RTL9: variants seen among roughly 807,000 people sequenced by gnomAD.
RTL9 encodes retrotransposon Gag like 9, also known as retrotransposon Gag-like protein 9.
RTL9 carries 19 observed loss-of-function variants against 44.7 expected under a neutral mutation model. The observed-to-expected ratio is 0.42, with a 90% CI of 0.30 to 0.62. The LOEUF (loss-of-function observed/expected upper bound fraction) is 0.62, where lower values mean the gene tolerates loss of function less well. RTL9 is among the 20% of genes least tolerant of loss of function. The pLI, the probability that RTL9 is intolerant of heterozygous loss-of-function variation, is 0.16. For synonymous variants in RTL9, 407 were observed against 398.9 expected (o/e 1.02, Z -0.24); for missense variants, 1,105 against 1,080.6 (o/e 1.02, Z -0.32).
At chrX:110,417,342 C>T (rs1231131790), upstream of RTL9, among the ~76,000 whole-genome samples, 1 of 112,240 alleles carries the variant, frequency 8.9e-6, no homozygotes, top group African/African-American at 3.2e-5. Flanking sequence ...TTCAATTCAA[C>T]AATGATTTAT....
chrX:110,395,526 G>C, intron 1 of RTL9, among the ~76,000 whole-genome samples: 1 of 112,464 alleles, frequency 8.9e-6, no homozygotes, highest in East Asian at 2.8e-4. Context: ...TAACAGAAGA[G>C]GATACAAAAG....
At chrX:110,387,857 CTTTTTTT>C (rs57937918) in intron 1 of RTL9, among the ~76,000 whole-genome samples, 2 of 82,808 alleles carry the variant, frequency 2.4e-5, no homozygotes, top group Non-Finnish European at 2.2e-5. Flanking sequence ...CTCCCTCTCT[CTTTTTTT>C]TTTTTTTTTT....
upstream of RTL9, among the ~76,000 whole-genome samples, chrX:110,418,502 A>C (rs931495278): frequency 8.9e-6 from 1 of 111,980 alleles, no homozygotes; most frequent in Admixed American, 9.4e-5. Flanking sequence ...ATCAGGGCCA[A>C]ATGAGTTTTT....
At chrX:110,412,213 T>C (rs1011223737) in intron 1 of RTL9, among the ~76,000 whole-genome samples, 1 of 112,587 alleles carries the variant, frequency 8.9e-6, no homozygotes, top group Admixed American at 9.4e-5. Flanking sequence ...ACTCATTCAC[T>C]CTTGATGCAC....
chrX:110,381,122 C>A (rs1053426099), intron 1 of RTL9, among the ~76,000 whole-genome samples: 1 of 111,797 alleles, frequency 8.9e-6, no homozygotes, highest in African/African-American at 3.3e-5. Flanking sequence ...AGCTTCTGCA[C>A]AGCAAAAGAA....
At chrX:110,450,021 T>C (rs1270128414), upstream of RTL9, among the ~76,000 whole-genome samples, 1 of 111,970 alleles carries the variant, frequency 8.9e-6, no homozygotes, top group Non-Finnish European at 1.9e-5. Flanking sequence ...TTTCAGTTCA[T>C]GGAATGTTGC....
upstream of RTL9, among the ~76,000 whole-genome samples, chrX:110,416,136 A>G (rs752183883): frequency 9.0e-6 from 1 of 111,125 alleles, no homozygotes; most frequent in Non-Finnish European, 1.9e-5. Flanking sequence ...AACTCTCAAC[A>G]GCCTGTGGGT....
rs773717763 is a variant in RTL9, at chrX:110,455,346, A to C, written c.*25A>C. 137 of 1,201,256 alleles carry C rather than the reference A, an allele frequency of 1.1e-4. 6 individuals carry two copies. Among genetic ancestry groups the C allele is most frequent in the Non-Finnish European group, 6.3e-5 (56 of 890,469 alleles). ...AAACTCCATGGAATCTTCTCCTGTG[A>C]TATCTGACTCGACCGCTAACTGGAG... On this transcript the variant is annotated 3_prime_UTR_variant, in exon 2 of 2. Transcript: ENST00000540313.
At chrX:110,390,151 C>T (rs936903946) in intron 1 of RTL9, among the ~76,000 whole-genome samples, 8 of 111,393 alleles carry the variant, frequency 7.2e-5, no homozygotes, top group Admixed American at 3.8e-4. Context: ...CTACATTAAA[C>T]GATCTTTGAA....
chrX:110,427,863 ACAT>A (rs1281703891), intron 1 of RTL9, among the ~76,000 whole-genome samples: 1 of 111,978 alleles, frequency 8.9e-6, no homozygotes, highest in Non-Finnish European at 1.9e-5. Context: ...GCATTTGCAC[ACAT>A]CATTCCCACT....
chrX:110,418,087 A>G (rs554615629), upstream of RTL9, among the ~76,000 whole-genome samples: 4 of 112,415 alleles, frequency 3.6e-5, no homozygotes, highest in South Asian at 1.5e-3. Context: ...GTCAGAAGGG[A>G]TATTCTGAGC....
chrX:110,435,965 G>A, intron 1 of RTL9, among the ~76,000 whole-genome samples: 1 of 112,496 alleles, frequency 8.9e-6, no homozygotes, highest in Middle Eastern at 4.6e-3. Context: ...GAAAGAATGA[G>A]TAAGTTGTTC....
intron 1 of RTL9, among the ~76,000 whole-genome samples, chrX:110,366,900 T>C (rs924344035): frequency 2.7e-5 from 3 of 112,029 alleles, no homozygotes; most frequent in African/African-American, 6.5e-5. Flanking sequence ...GGGTGGCTTT[T>C]TTACATCTTT....
intron 1 of RTL9, among the ~76,000 whole-genome samples, chrX:110,402,378 A>G: frequency 8.8e-6 from 1 of 113,075 alleles, no homozygotes; most frequent in East Asian, 2.8e-4. Flanking sequence ...TGCCTTGGTA[A>G]GGCAGGGTTA....
At chrX:110,436,788 G>A (rs2068842047) in intron 1 of RTL9, among the ~76,000 whole-genome samples, 1 of 112,104 alleles carries the variant, frequency 8.9e-6, no homozygotes, top group Non-Finnish European at 1.9e-5. Flanking sequence ...GGTAGAGAGT[G>A]GGGCTGTTGG....
chrX:110,428,042 A>G (rs1222375022), intron 1 of RTL9, among the ~76,000 whole-genome samples: 1 of 112,220 alleles, frequency 8.9e-6, no homozygotes, highest in African/African-American at 3.2e-5. Flanking sequence ...CACTGGATAC[A>G]TTCTCTTGTT....
At chrX:110,447,099 G>A (rs1218333538), upstream of RTL9, among the ~76,000 whole-genome samples, 1 of 88,116 alleles carries the variant, frequency 1.1e-5, no homozygotes, top group Admixed American at 1.2e-4. Flanking sequence ...TAATAGAATG[G>A]CTATTCTGTG....
At chrX:110,358,945 C>T (rs913501433) in intron 1 of RTL9, 29 bp downstream of exon 1, 1 of 111,709 alleles carries the variant, frequency 9.0e-6, no homozygotes, top group Non-Finnish European at 1.9e-5. Context: ...TTTTATCTAA[C>T]ACGTTCTTCT....
chrX:110,404,335 G>A (rs755062888), intron 1 of RTL9, among the ~76,000 whole-genome samples: 1 of 111,677 alleles, frequency 9.0e-6, no homozygotes, highest in Admixed American at 9.5e-5. Flanking sequence ...CTAGTGCTTA[G>A]GATAGGGCTG....
Sources: allele counts gnomAD v4.1 joint callset (sites outside exome capture counted in the v4.1 genomes callset), GRCh38; gene constraint gnomAD v4.1.1; transcripts MANE v1.5; gene names NCBI Gene and HGNC (gene_info 2026-07-23, HGNC 2026-07-21).